Variants in CNTNAP2 observed in about 807,000 individuals in gnomAD.
CNTNAP2 encodes the protein contactin associated protein 2, also known as contactin-associated protein-like 2.
A neutral mutation model predicts 155.2 loss-of-function variants in CNTNAP2; 98 were observed. That is an observed-to-expected ratio of 0.63 (90% confidence interval 0.54 to 0.75). The LOEUF is 0.75. Among genes scored for constraint, CNTNAP2 ranks in the 30% least tolerant of loss-of-function variants. CNTNAP2 has a pLI of 0.00. For synonymous variants in CNTNAP2, 651 were observed against 631.2 expected, an observed-to-expected ratio of 1.03 and a Z score of -0.47; for missense variants, 1,727 against 1,688.1, an observed-to-expected ratio of 1.02 and a Z score of -0.40.
chr7:148,324,216 G>A (rs1797850678), intron 21 of CNTNAP2, among the ~76,000 whole-genome samples: 1 of 152,044 alleles, frequency 6.6e-6, no homozygotes, highest in South Asian at 2.1e-4. Context: ...CCAAATGAAG[G>A]TGATGTGTCC....
intron 13 of CNTNAP2, among the ~76,000 whole-genome samples, chr7:147,715,455 G>T (rs1796467873): frequency 6.6e-6 from 1 of 151,922 alleles, no homozygotes; most frequent in African/African-American, 2.4e-5. Flanking sequence ...AGTTGTCATG[G>T]GCTAATCTGC....
At chr7:147,083,551 T>C in intron 4 of CNTNAP2, among the ~76,000 whole-genome samples, 1 of 124,834 alleles carries the variant, frequency 8.0e-6, no homozygotes, top group African/African-American at 3.9e-5. Context: ...TATATATATG[T>C]ATATATATAT....
intron 1 of CNTNAP2, among the ~76,000 whole-genome samples, chr7:146,564,856 A>G (rs915893249): frequency 6.6e-6 from 1 of 151,920 alleles, no homozygotes; most frequent in Non-Finnish European, 1.5e-5. Context: ...ATTGAATTTG[A>G]TACTCCTAAG....
chr7:147,795,285 T>C (rs1340446601), intron 13 of CNTNAP2, among the ~76,000 whole-genome samples: 1 of 152,068 alleles, frequency 6.6e-6, no homozygotes, highest in Non-Finnish European at 1.5e-5. Context: ...TTTTATTTTA[T>C]CCAGTCTCAC....
intron 1 of CNTNAP2, among the ~76,000 whole-genome samples, chr7:146,308,045 A>G (rs1314360719): frequency 5.3e-5 from 8 of 150,174 alleles, no homozygotes; most frequent in Middle Eastern, 6.8e-3. Flanking sequence ...CAGGCAACCT[A>G]CAGAATGAGA....
At chr7:147,592,866 A>C (rs1584839047) in intron 12 of CNTNAP2, among the ~76,000 whole-genome samples, 1 of 152,278 alleles carries the variant, frequency 6.6e-6, no homozygotes, top group Non-Finnish European at 1.5e-5. Flanking sequence ...TTCAAGCCAA[A>C]ATTATCTATT....
chr7:147,186,580 C>T (rs961876398), intron 8 of CNTNAP2, among the ~76,000 whole-genome samples: 1 of 152,116 alleles, frequency 6.6e-6, no homozygotes, highest in African/African-American at 2.4e-5. Flanking sequence ...ACAGCACTGA[C>T]CCCTGTTCTC....
chr7:147,238,479 T>A (rs1306497073), intron 8 of CNTNAP2, among the ~76,000 whole-genome samples: 1 of 152,200 alleles, frequency 6.6e-6, no homozygotes, highest in African/African-American at 2.4e-5. Context: ...AATAGTCATC[T>A]AAATCCTGAT....
chr7:147,569,411 G>A (rs1352139906), intron 12 of CNTNAP2, among the ~76,000 whole-genome samples: 1 of 152,084 alleles, frequency 6.6e-6, no homozygotes, highest in Non-Finnish European at 1.5e-5. Context: ...CTATAGTACA[G>A]TCATGCACCA....
At chr7:146,891,209 A>G (rs2129211518) in intron 3 of CNTNAP2, among the ~76,000 whole-genome samples, 1 of 152,254 alleles carries the variant, frequency 6.6e-6, no homozygotes, top group South Asian at 2.1e-4. Context: ...ACACTTCAAC[A>G]TAAAGAAGGG....
rs117994424 is a variant in CNTNAP2, at chr7:147,390,842, T to A, written c.1499-4767T>A. On this transcript the variant is annotated intron_variant, in intron 9 of 23. Transcript: ENST00000361727. ...ATAACATAATTATAATGTGAAGATT[T>A]ATGGCCATCTTGGAGATTGATTGCC... Among the ~76,000 whole-genome samples, 1,409 of 152,234 alleles carry A rather than the reference T, an allele frequency of 9.3e-3. 13 individuals carry two copies. The highest frequency in any genetic ancestry group is 0.014 in the Non-Finnish European group (965 of 68,012).
chr7:146,232,279 G>A (rs1436935791), intron 1 of CNTNAP2, among the ~76,000 whole-genome samples: 1 of 118,378 alleles, frequency 8.4e-6, no homozygotes, highest in South Asian at 3.1e-4. Context: ...GTGTGTTTGT[G>A]TAATTTTATA....
intron 1 of CNTNAP2, among the ~76,000 whole-genome samples, chr7:146,617,017 T>TTTTTGTTTG (rs113504240): frequency 3.3e-5 from 5 of 151,274 alleles, no homozygotes; most frequent in African/African-American, 1.2e-4. Context: ...AACCTGGTTT[T>TTTTTGTTTG]TTTGTTTGTT....
At chr7:146,253,815 G>A (rs1282046472) in intron 1 of CNTNAP2, among the ~76,000 whole-genome samples, 1 of 152,106 alleles carries the variant, frequency 6.6e-6, no homozygotes, top group African/African-American at 2.4e-5. Context: ...CTAGCACATT[G>A]GGAGGCCAAG....
intron 16 of CNTNAP2, among the ~76,000 whole-genome samples, chr7:148,118,712 C>T (rs745594512): frequency 4.6e-5 from 7 of 152,214 alleles, no homozygotes; most frequent in East Asian, 1.9e-4. Flanking sequence ...TAGTGACATC[C>T]GTGTGAGTTC....
intron 2 of CNTNAP2, among the ~76,000 whole-genome samples, chr7:146,788,102 G>T (rs1014229722): frequency 6.6e-6 from 1 of 152,192 alleles, no homozygotes; most frequent in Non-Finnish European, 1.5e-5. Flanking sequence ...GTGGCACCTA[G>T]CCCAGGCACT....
chr7:146,469,940 C>T (rs1036375468), intron 1 of CNTNAP2, among the ~76,000 whole-genome samples: 2 of 151,156 alleles, frequency 1.3e-5, no homozygotes, highest in South Asian at 2.1e-4. Context: ...CACGGGTTCA[C>T]GCGGTTCTCC....
At chr7:147,117,378 C>T (rs1317652510) in intron 5 of CNTNAP2, among the ~76,000 whole-genome samples, 2 of 152,078 alleles carry the variant, frequency 1.3e-5, no homozygotes, top group African/African-American at 2.4e-5. Context: ...TCACTGCTTC[C>T]CTTGGCAGGG....
intron 13 of CNTNAP2, among the ~76,000 whole-genome samples, chr7:147,880,906 A>G (rs528950012): frequency 2.1e-5 from 2 of 97,420 alleles, no homozygotes; most frequent in Admixed American, 1.1e-4. Flanking sequence ...TCCAAGTAAG[A>G]TAATCAGTCT....
Sources: allele counts gnomAD v4.1 joint callset (sites outside exome capture counted in the v4.1 genomes callset), GRCh38; gene constraint gnomAD v4.1.1; transcripts MANE v1.5; gene names NCBI Gene and HGNC (gene_info 2026-07-23, HGNC 2026-07-21).